The following CACNA1D variants were observed in gnomAD, a reference collection of about 807,000 sequenced individuals.
The protein encoded by CACNA1D is voltage-dependent L-type calcium channel subunit alpha-1D.
Under a neutral mutation model 257.1 loss-of-function variants are expected in CACNA1D, and 55 were observed. The observed-to-expected ratio is 0.21, with a 90% CI of 0.17 to 0.27. The LOEUF is 0.27. Among genes scored for constraint, CACNA1D ranks in the 10% least tolerant of loss-of-function variants. The pLI is 1.00. For missense variants in CACNA1D, 1,876 were observed against 2,784.0 expected (o/e 0.67, Z 7.34); for synonymous variants, 980 against 1,014.9 (o/e 0.97, Z 0.65).
intron 8 of CACNA1D, among the ~76,000 whole-genome samples, chr3:53,686,335 G>C (rs1448803744): frequency 6.6e-6 from 1 of 152,058 alleles, no homozygotes; most frequent in Non-Finnish European, 1.5e-5. Context: ...AGGTAGTAAA[G>C]TTGGAGGGAG....
intron 3 of CACNA1D, among the ~76,000 whole-genome samples, chr3:53,564,273 G>A (rs1027874184): frequency 1.1e-4 from 16 of 152,152 alleles, no homozygotes; most frequent in Admixed American, 9.8e-4. Context: ...TGATTCTCCT[G>A]CCTCAGCCTC....
At chr3:53,650,725 C>T in intron 3 of CACNA1D, 54 bp from the exon 4 acceptor site, 1 of 1,592,572 alleles carries the variant, frequency 6.3e-7, no homozygotes, top group Non-Finnish European at 8.6e-7. Flanking sequence ...TTTCTGTCTC[C>T]TCTTCCTCCC....
chr3:53,788,577 G>T (rs945778431), intron 40 of CACNA1D, among the ~76,000 whole-genome samples: 9 of 152,192 alleles, frequency 5.9e-5, no homozygotes, highest in African/African-American at 2.2e-4. Flanking sequence ...GGGCAGCGTG[G>T]CCAGGTTGGG....
chr3:53,530,556 A>G (rs1013233349), intron 3 of CACNA1D, among the ~76,000 whole-genome samples: 1 of 152,194 alleles, frequency 6.6e-6, no homozygotes, highest in Non-Finnish European at 1.5e-5. Flanking sequence ...CCTGGCACCT[A>G]TAAGCAGGGA....
At chr3:53,791,115 A>G (rs2095480450) in intron 40 of CACNA1D, 1 of 692,808 alleles carries the variant, frequency 1.4e-6, no homozygotes, top group South Asian at 1.5e-5. Flanking sequence ...AGCATTTCAG[A>G]AGAAATGCAG....
rs2094342470 is a variant in CACNA1D at position 53,673,187 on chromosome 3, A to G, written c.1220+61A>G. ...CTGAGGACAGTTGCCAAGACCACAC[A>G]AGCTTTGCTGGATGAGGGCCGCCAA... On this transcript the variant is annotated intron_variant, in intron 8 of 47. Transcript: ENST00000350061. This position sits in a 1 kb window ranked among gnomAD's most constrained non-coding sequence, Gnocchi z 4.1. 8.4e-7 allele frequency: 1 copy of G among 1,184,570 alleles called. No homozygotes were observed. Among genetic ancestry groups the G allele is most frequent in the Non-Finnish European group, 1.2e-6 (1 of 815,284 alleles). The allele number at this position is 1,184,570 out of a possible 1,614,324, so 73.4% of individuals were successfully genotyped here.
At position 53,650,815 on chromosome 3, in the gene CACNA1D, G is replaced by A. The variant is rs1223722896; in HGVS notation, c.520G>A (p.Val174Ile). 2 of 1,613,646 alleles carry A rather than the reference G, an allele frequency of 1.2e-6. No homozygotes were observed. The highest frequency in any genetic ancestry group is 1.3e-5 in the African/African-American group (1 of 74,880). Residue 174 changes from valine (V) to isoleucine (I), a missense_variant, in exon 4 of 48, where the codon GTC (valine) becomes ATC (isoleucine). Physicochemically the swap from Val to Ile is conservative, Grantham distance 29. This residue lies in a region of CACNA1D where 188 missense variants were observed against 390.4 expected (regional missense o/e 0.48). Coordinates refer to ENST00000350061, the MANE Select transcript of CACNA1D (RefSeq NM_001128840.3). ...ATATGCCTTCCTGATTATTTTTACA[G>A]TCGAGACATTTTTGAAGATTATAGC... ...VEYAFLIIFT[V>I]ETFLKIIAYG...
chr3:53,510,649 C>G (rs1044871252), intron 3 of CACNA1D, among the ~76,000 whole-genome samples: 4 of 152,220 alleles, frequency 2.6e-5, no homozygotes, highest in African/African-American at 9.6e-5. Context: ...TCATTCTTCA[C>G]TAAGCCTGTA....
intron 5 of CACNA1D, among the ~76,000 whole-genome samples, chr3:53,664,217 G>A (rs1357036111): frequency 6.6e-6 from 1 of 152,086 alleles, no homozygotes; most frequent in East Asian, 1.9e-4. Context: ...CCTCATTCCT[G>A]GAGAACCTCC....
intron 3 of CACNA1D, among the ~76,000 whole-genome samples, chr3:53,644,491 C>A (rs1266735993): frequency 1.3e-5 from 2 of 152,150 alleles, no homozygotes. Context: ...TGACCCCCAC[C>A]TCTGGTAATC....
At chr3:53,572,244 G>T (rs1331602379) in intron 3 of CACNA1D, among the ~76,000 whole-genome samples, 1 of 152,128 alleles carries the variant, frequency 6.6e-6, no homozygotes, top group Non-Finnish European at 1.5e-5. Flanking sequence ...CCAGTGGATG[G>T]TGTCAAGTCC....
At chr3:53,623,417 G>A (rs898089466) in intron 3 of CACNA1D, among the ~76,000 whole-genome samples, 26 of 152,220 alleles carry the variant, frequency 1.7e-4, no homozygotes, top group African/African-American at 6.3e-4. Flanking sequence ...TGGGTTGAGG[G>A]ATGACAAGGT....
intron 8 of CACNA1D, among the ~76,000 whole-genome samples, chr3:53,687,133 A>G (rs939204503): frequency 2.6e-5 from 4 of 152,082 alleles, no homozygotes; most frequent in Admixed American, 1.3e-4. Flanking sequence ...TAAAATTACA[A>G]TGATCTAAAT....
chr3:53,529,905 C>T lies in CACNA1D; in HGVS notation c.483+28185C>T, dbSNP rs112261044. On this transcript the variant is annotated intron_variant, in intron 3 of 47. Transcript: ENST00000350061. ...ATGTTAATATGAGACTCATTTTTTT[C>T]CTTTCTCTCCTCTTTGGGTTGTATT... Among the ~76,000 whole-genome samples the T allele has an allele frequency of 9.3e-3, 1,418 of 151,878 alleles. 19 individuals carry two copies. The highest frequency in any genetic ancestry group is 0.033 in the African/African-American group (1,355 of 41,446).
chr3:53,671,835 T>A (rs1269095053), intron 7 of CACNA1D, among the ~76,000 whole-genome samples: 1 of 152,208 alleles, frequency 6.6e-6, no homozygotes. Flanking sequence ...CCAGATCATA[T>A]GCAGGAAAGC....
chr3:53,539,277 T>C (rs1338609566), intron 3 of CACNA1D, among the ~76,000 whole-genome samples: 1 of 151,956 alleles, frequency 6.6e-6, no homozygotes, highest in Non-Finnish European at 1.5e-5. Context: ...GCCTGACTAA[T>C]TTTTGTATTT....
chr3:53,762,508 G>A (rs995969220), intron 30 of CACNA1D: 2 of 451,566 alleles, frequency 4.4e-6, no homozygotes, highest in Admixed American at 4.8e-5. Context: ...TTTTCCTGTG[G>A]TGCTTCCTCT....
chr3:53,739,177 A>C (rs1012341388), intron 20 of CACNA1D, among the ~76,000 whole-genome samples: 4 of 152,196 alleles, frequency 2.6e-5, no homozygotes, highest in Non-Finnish European at 5.9e-5. Context: ...GGCATACGCC[A>C]GGCCTACTCC....
At chr3:53,587,787 G>T (rs555678396) in intron 3 of CACNA1D, among the ~76,000 whole-genome samples, 1 of 152,138 alleles carries the variant, frequency 6.6e-6, no homozygotes, top group Non-Finnish European at 1.5e-5. Context: ...GCTGTTCTGC[G>T]GGTCCCAGAG....
Sources: allele counts gnomAD v4.1 joint callset (sites outside exome capture counted in the v4.1 genomes callset), GRCh38; gene constraint gnomAD v4.1.1; regional missense constraint gnomAD v4.1.1; non-coding constraint Gnocchi (gnomAD v3.1); transcripts MANE v1.5; gene names NCBI Gene and HGNC (gene_info 2026-07-23, HGNC 2026-07-21).